Variants in HS3ST4 observed in about 807,000 individuals in gnomAD.
HS3ST4 encodes heparan sulfate-glucosamine 3-sulfotransferase 4.
HS3ST4 carries 17 observed loss-of-function variants against 29.2 expected under a neutral mutation model. The observed-to-expected ratio is 0.58, with a 90% CI of 0.40 to 0.87. HS3ST4 has a LOEUF of 0.87. Among genes scored for constraint, HS3ST4 ranks in the 40% least tolerant of loss-of-function variants. The pLI is 0.00. For synonymous variants in HS3ST4, 314 were observed against 285.7 expected (o/e 1.10, Z -1.00); for missense variants, 627 against 634.5 (o/e 0.99, Z 0.13).
At chr16:25,865,706 A>ATAGG (rs1190856550) in intron 1 of HS3ST4, among the ~76,000 whole-genome samples, 6 of 152,244 alleles carry the variant, frequency 3.9e-5, no homozygotes, top group Non-Finnish European at 7.3e-5. Context: ...AAAGTTGCCA[A>ATAGG]GACCATGCAA....
intron 1 of HS3ST4, among the ~76,000 whole-genome samples, chr16:25,979,001 G>C (rs904654066): frequency 7.3e-6 from 1 of 136,926 alleles, no homozygotes; most frequent in African/African-American, 2.7e-5. Flanking sequence ...GGGTTCAAGC[G>C]ATTCTCCTGC....
rs150657734 is a variant in HS3ST4 at position 26,025,968 on chromosome 16, G to T, written c.735-109644G>T. On this transcript the variant is annotated intron_variant, in intron 1 of 1. Transcript: ENST00000331351. Reference sequence around the variant, plus strand: ...TTTTTGTATTTTTAGTAGAGACAGCGTTTTACCATGTTGGCCAGGCTGGTC... The same window carrying T: ...TTTTTGTATTTTTAGTAGAGACAGCTTTTTACCATGTTGGCCAGGCTGGTC... Among the ~76,000 whole-genome samples the T allele has an allele frequency of 4.0e-3, 604 of 152,128 alleles. 2 individuals are homozygous for T. The highest frequency in any genetic ancestry group is 0.014 in the African/African-American group (582 of 41,508).
At chr16:25,728,258 T>C (rs1240131999) in intron 1 of HS3ST4, among the ~76,000 whole-genome samples, 2 of 152,142 alleles carry the variant, frequency 1.3e-5, no homozygotes, top group Non-Finnish European at 2.9e-5. Context: ...CCTTGGCCTC[T>C]CAAAGTGCTT....
chr16:26,015,620 T>A (rs1315248398), intron 1 of HS3ST4, among the ~76,000 whole-genome samples: 1 of 152,172 alleles, frequency 6.6e-6, no homozygotes, highest in African/African-American at 2.4e-5. Context: ...GCTCCAGCCC[T>A]CTGATTGCAT....
intron 1 of HS3ST4, among the ~76,000 whole-genome samples, chr16:25,794,139 C>T (rs977769858): frequency 6.6e-6 from 1 of 152,012 alleles, no homozygotes; most frequent in African/African-American, 2.4e-5. Context: ...ATTATTACTG[C>T]TTAATATTAA....
chr16:25,717,385 T>C (rs930618326), intron 1 of HS3ST4, among the ~76,000 whole-genome samples: 16 of 152,100 alleles, frequency 1.1e-4, no homozygotes, highest in Non-Finnish European at 1.6e-4. Flanking sequence ...TACTGTAAGA[T>C]AATATAATAA....
At chr16:25,866,328 TAGAG>T (rs1967694263) in intron 1 of HS3ST4, among the ~76,000 whole-genome samples, 1 of 152,200 alleles carries the variant, frequency 6.6e-6, no homozygotes, top group Non-Finnish European at 1.5e-5. Context: ...ATCTTTTGCT[TAGAG>T]AGTTTATTCT....
At chr16:26,000,160 CAG>C (rs1438686295) in intron 1 of HS3ST4, among the ~76,000 whole-genome samples, 1 of 151,828 alleles carries the variant, frequency 6.6e-6, no homozygotes, top group Admixed American at 6.6e-5. Flanking sequence ...GCTTAAGTAA[CAG>C]AAGAATTTAC....
chr16:25,960,883 G>C (rs1567281927), intron 1 of HS3ST4, among the ~76,000 whole-genome samples: 1 of 152,182 alleles, frequency 6.6e-6, no homozygotes, highest in Non-Finnish European at 1.5e-5. Flanking sequence ...AAGGAAACAT[G>C]GGTAGAAATT....
intron 1 of HS3ST4, among the ~76,000 whole-genome samples, chr16:25,828,716 A>T (rs961757400): frequency 4.6e-5 from 7 of 152,048 alleles, no homozygotes; most frequent in Non-Finnish European, 7.4e-5. Flanking sequence ...CCATGTGCAA[A>T]CATACTTGAG....
rs185247080 is a variant in HS3ST4, at chr16:25,817,959, C to T, written c.734+124808C>T. 1.2e-3 allele frequency among the ~76,000 whole-genome samples: 180 copies of T among 152,276 alleles called. 2 individuals carry two copies. The highest frequency in any genetic ancestry group is 3.8e-3 in the African/African-American group (156 of 41,546). ...CTGGAAGGCAGGAATTAGTGTGTAC[C>T]GGTAAGCACATGCCTGAAACTTGGG... On this transcript the variant is annotated intron_variant, in intron 1 of 1. Coordinates refer to ENST00000331351, the MANE Select transcript of HS3ST4 (RefSeq NM_006040.3).
intron 1 of HS3ST4, among the ~76,000 whole-genome samples, chr16:25,765,505 T>C (rs1468173749): frequency 6.6e-6 from 1 of 152,112 alleles, no homozygotes; most frequent in Non-Finnish European, 1.5e-5. Flanking sequence ...GGGGCTACCA[T>C]TGCATTGGTC....
At chr16:25,701,189 T>C (rs1403612864) in intron 1 of HS3ST4, among the ~76,000 whole-genome samples, 1 of 152,228 alleles carries the variant, frequency 6.6e-6, no homozygotes, top group Non-Finnish European at 1.5e-5. Flanking sequence ...GAAGCATTCC[T>C]AGACAAACAT....
intron 1 of HS3ST4, among the ~76,000 whole-genome samples, chr16:25,878,379 T>C (rs1173493281): frequency 6.6e-6 from 1 of 152,152 alleles, no homozygotes; most frequent in African/African-American, 2.4e-5. Context: ...TAAATTCCCA[T>C]CACTTCTCTC....
chr16:26,121,968 G>A (rs1347981612), intron 1 of HS3ST4, among the ~76,000 whole-genome samples: 3 of 152,148 alleles, frequency 2.0e-5, no homozygotes, highest in African/African-American at 4.8e-5. Context: ...CAGGGAAAAT[G>A]TTGTCTTAGA....
chr16:26,049,631 G>C (rs1310614625), intron 1 of HS3ST4, among the ~76,000 whole-genome samples: 1 of 152,062 alleles, frequency 6.6e-6, no homozygotes, highest in African/African-American at 2.4e-5. Context: ...AAGCAATTCT[G>C]CAGTGGACAC....
chr16:25,946,111 CAT>C (rs1968623354), intron 1 of HS3ST4, among the ~76,000 whole-genome samples: 1 of 152,180 alleles, frequency 6.6e-6, no homozygotes, highest in Non-Finnish European at 1.5e-5. Context: ...TCAAGAAACT[CAT>C]TTCTTGTGCA....
chr16:25,937,022 G>T (rs577848697), intron 1 of HS3ST4, among the ~76,000 whole-genome samples: 1 of 152,288 alleles, frequency 6.6e-6, no homozygotes, highest in East Asian at 1.9e-4. Flanking sequence ...GGATAAGATT[G>T]GTTCAGAGCC....
chr16:26,060,726 C>T (rs117124161), intron 1 of HS3ST4, among the ~76,000 whole-genome samples: 2 of 152,268 alleles, frequency 1.3e-5, no homozygotes, highest in East Asian at 3.9e-4. Flanking sequence ...CTCCCAGACA[C>T]CATACTGAGG....
Sources: allele counts gnomAD v4.1 joint callset (sites outside exome capture counted in the v4.1 genomes callset), GRCh38; gene constraint gnomAD v4.1.1; transcripts MANE v1.5; gene names NCBI Gene and HGNC (gene_info 2026-07-23, HGNC 2026-07-21).